GGNBP2: variants seen among roughly 807,000 people sequenced by gnomAD.
The protein encoded by GGNBP2 is gametogenetin binding protein 2, also known as gametogenetin-binding protein 2.
GGNBP2 carries 10 observed loss-of-function variants against 85.9 expected under a neutral mutation model. The ratio of observed to expected loss-of-function variants is 0.12; its 90% CI spans 0.07 to 0.20. The LOEUF (loss-of-function observed/expected upper bound fraction) is 0.20. Ranked by LOEUF, GGNBP2 falls within the 10% of genes least tolerant of loss-of-function variation. The pLI, the probability that GGNBP2 is intolerant of heterozygous loss-of-function variation, is 1.00. For missense variants in GGNBP2, 595 were observed against 857.8 expected (o/e 0.69, Z 3.83); for synonymous variants, 287 against 285.7 (o/e 1.00, Z -0.05).
chr17:36,556,967 C>T, intron 3 of GGNBP2, 116 bp from the exon 4 acceptor site: 1 of 1,191,162 alleles, frequency 8.4e-7, no homozygotes. Context: ...GCAGGTAGAG[C>T]TGGTAAACCC....
At chr17:36,548,431 A>G (rs928882828) in intron 2 of GGNBP2, among the ~76,000 whole-genome samples, 1 of 150,820 alleles carries the variant, frequency 6.6e-6, no homozygotes, top group African/African-American at 2.4e-5. Context: ...CCTGGCCAAC[A>G]TGGCAAAACC....
chr17:36,585,276 C>G (rs761311551), intron 9 of GGNBP2, 24 bp from the exon 10 acceptor site: 16 of 1,596,974 alleles, frequency 1.0e-5, no homozygotes, highest in Non-Finnish European at 6.8e-6. Flanking sequence ...GCTCTTGACT[C>G]TCTCTTAATG....
chr17:36,576,447 G>A (rs1272851077), intron 6 of GGNBP2, among the ~76,000 whole-genome samples: 1 of 108,898 alleles, frequency 9.2e-6, no homozygotes, highest in Non-Finnish European at 1.8e-5. Context: ...CCAGCGACTC[G>A]GGAGACTGAG....
At chr17:36,574,824 T>G in intron 6 of GGNBP2, 1 of 679,794 alleles carries the variant, frequency 1.5e-6, no homozygotes, top group East Asian at 2.7e-5. Context: ...TTGCTGATCT[T>G]GTTCCCCCAG....
intron 8 of GGNBP2, among the ~76,000 whole-genome samples, chr17:36,580,468 T>C (rs1476067098): frequency 6.6e-6 from 1 of 151,728 alleles, no homozygotes; most frequent in Non-Finnish European, 1.5e-5. Context: ...TGCCTTGGCC[T>C]CCCAAAGTGC....
intron 6 of GGNBP2, among the ~76,000 whole-genome samples, chr17:36,576,504 C>T (rs1024971071): frequency 9.8e-5 from 11 of 112,336 alleles, no homozygotes; most frequent in Non-Finnish European, 1.4e-4. Context: ...CAGTGAGCCT[C>T]GATGGCGCCA....
In GGNBP2 at chr17:36,586,156, AAAG is replaced by A. The variant is rs536438473; in HGVS notation, c.1611_1613del (p.Lys538del). ...AGAACGACACAAAAGGAAAAAATAA[AAAG>A]AAGAAGAAGAAAAGCAAGATACTGA... On this transcript the variant is annotated inframe_deletion, in exon 12 of 14. Coordinates refer to ENST00000613102, the MANE Select transcript of GGNBP2 (RefSeq NM_024835.5). 6.4e-4 allele frequency: 1,033 copies of A among 1,612,718 alleles called. 14 individuals are homozygous for A. The South Asian group carries it at 9.5e-3, about 15-fold the overall frequency.
At position 36,587,306 on chromosome 17, in the gene GGNBP2, G is replaced by A. The variant is rs2074712463; in HGVS notation, c.1890+61G>A. On this transcript the variant is annotated intron_variant, in intron 13 of 13. Coordinates refer to ENST00000613102, the MANE Select transcript of GGNBP2 (RefSeq NM_024835.5). ...TTTGGGAACGGGGTGGATGTGGGAG[G>A]GGATAGTATTTGAGGGCTTAAGGTA... 3.2e-6 allele frequency: 5 copies of A among 1,563,684 alleles called. No individual in the cohort carries two copies. In the East Asian group the frequency reaches 1.1e-4, roughly 35 times the overall value.
At chr17:36,564,258 A>G (rs1303263840) in intron 5 of GGNBP2, among the ~76,000 whole-genome samples, 2 of 152,196 alleles carry the variant, frequency 1.3e-5, no homozygotes, top group Admixed American at 6.5e-5. Context: ...TCTGTTAAGC[A>G]TATTCTTTGT....
chr17:36,575,231 C>A, intron 6 of GGNBP2: 1 of 635,950 alleles, frequency 1.6e-6, no homozygotes, highest in South Asian at 1.6e-5. Context: ...CCAGCCCCGG[C>A]CCCGGATGCC....
In GGNBP2 at chr17:36,578,493, C is replaced by T. The variant is rs2074613509; in HGVS notation, c.845+307C>T. On this transcript the variant is annotated intron_variant, in intron 7 of 13. Transcript: ENST00000613102. Reference sequence around the variant, plus strand: ...AAATGATTAGAAGGGATTTTTCTCCCTCTATCCATGCATTATCATGTGTAA... The same window carrying T: ...AAATGATTAGAAGGGATTTTTCTCCTTCTATCCATGCATTATCATGTGTAA... The T allele has an allele frequency of 1.9e-5, 6 of 312,398 alleles. No homozygotes were observed. The South Asian group carries it at 4.9e-4, about 25-fold the overall frequency. The allele number at this position is 312,398 out of a possible 1,614,324, so 19.4% of individuals were successfully genotyped here.
intron 6 of GGNBP2, among the ~76,000 whole-genome samples, chr17:36,568,973 C>G (rs1051922795): frequency 6.6e-6 from 1 of 152,088 alleles, no homozygotes; most frequent in African/African-American, 2.4e-5. Flanking sequence ...CCAGGATGGT[C>G]TCAGTCTCCT....
At position 36,589,360 on chromosome 17, in the gene GGNBP2, T is replaced by C; in HGVS notation, c.2043T>C (p.Asp681=). Residue 681 remains aspartate, a synonymous_variant, in exon 14 of 14, where the codon GAT becomes GAC. Transcript: ENST00000613102. ...TTAATAAATACTGCCGGTTAAATGATCACAAGAGGCCCATTTGTAGTGGCT... is the reference window on the plus strand; with the variant it reads ...TTAATAAATACTGCCGGTTAAATGACCACAAGAGGCCCATTTGTAGTGGCT... ...EKFNKYCRLN[D]HKRPICSGWL... is the part of the protein sequence containing the mutation. 6.2e-7 allele frequency: 1 copy of C among 1,614,064 alleles called. No individual in the cohort carries two copies. Among genetic ancestry groups the C allele is most frequent in the East Asian group, 2.2e-5 (1 of 44,888 alleles).
chr17:36,574,125 C>G (rs569185702), intron 6 of GGNBP2, among the ~76,000 whole-genome samples: 1 of 152,100 alleles, frequency 6.6e-6, no homozygotes, highest in African/African-American at 2.4e-5. Flanking sequence ...AATGCATAGT[C>G]ATGTGCTATG....
intron 2 of GGNBP2, chr17:36,547,361 A>G (rs1394473571): frequency 6.7e-6 from 1 of 148,396 alleles, no homozygotes; most frequent in Non-Finnish European, 1.5e-5. Flanking sequence ...CTGTGGAGTT[A>G]AAAAAAAAAA....
At chr17:36,570,891 A>C (rs1331089955) in intron 6 of GGNBP2, among the ~76,000 whole-genome samples, 1 of 151,082 alleles carries the variant, frequency 6.6e-6, no homozygotes, top group Non-Finnish European at 1.5e-5. Flanking sequence ...ATGGTGGTGC[A>C]CTTCTGTAAT....
At position 36,562,953 on chromosome 17, in the gene GGNBP2, C is replaced by CA. The variant is rs34799358; in HGVS notation, c.527+2112dup. On this transcript the variant is annotated intron_variant, in intron 5 of 13. Coordinates refer to ENST00000613102, the MANE Select transcript of GGNBP2 (RefSeq NM_024835.5). ...TGGGCGACAGAGCGAGACTCTGTCTCAAAAAAAAAAAAAAAAAAAAAAAAA... is the reference window on the plus strand; with the variant it reads ...TGGGCGACAGAGCGAGACTCTGTCTCAAAAAAAAAAAAAAAAAAAAAAAAAA... 8.8e-3 allele frequency among the ~76,000 whole-genome samples: 357 copies of CA among 40,546 alleles called. 36 individuals are homozygous for CA. Among genetic ancestry groups the CA allele is most frequent in the East Asian group, 0.012 (14 of 1,142 alleles). 26.6% of individuals were successfully genotyped at this position (40,546 alleles called of 152,430 possible). A position where few individuals can be genotyped will look rare whatever the true frequency, so the allele number is the denominator to read the frequency against.
chr17:36,579,483 A>G lies in GGNBP2; in HGVS notation c.1020+64A>G, dbSNP rs949009021. 5 of 1,419,694 alleles carry G rather than the reference A, an allele frequency of 3.5e-6. No individual in the cohort carries two copies. In the African/African-American group the frequency reaches 7.0e-5, roughly 20 times the overall value. The allele number at this position is 1,419,694 out of a possible 1,614,324, so 87.9% of individuals were successfully genotyped here. On this transcript the variant is annotated intron_variant, in intron 8 of 13. Coordinates refer to ENST00000613102, the MANE Select transcript of GGNBP2 (RefSeq NM_024835.5). ...AGTCACGTTATTGGACTGAATCTTAATGTAAGCCACCAGTGCCTAAAAGGA... is the reference window on the plus strand; with the variant it reads ...AGTCACGTTATTGGACTGAATCTTAGTGTAAGCCACCAGTGCCTAAAAGGA...
chr17:36,575,240 C>T (rs1260510443), intron 6 of GGNBP2: 1 of 630,650 alleles, frequency 1.6e-6, no homozygotes. Flanking sequence ...GCCCCGGATG[C>T]CACTGCCGAA....
Sources: gnomAD v4.1 joint callset for allele counts (sites outside exome capture counted in the v4.1 genomes callset) on GRCh38, gnomAD v4.1.1 for gene constraint, MANE v1.5 for transcripts, NCBI Gene and HGNC (gene_info 2026-07-23, HGNC 2026-07-21) for gene names.